CNTLN: variants seen among roughly 807,000 people sequenced by gnomAD.
The protein encoded by CNTLN is centlein.
CNTLN carries 212 observed loss-of-function variants against 180.0 expected under a neutral mutation model. That is an observed-to-expected ratio of 1.18 (90% CI 1.05 to 1.32). The LOEUF (loss-of-function observed/expected upper bound fraction) is 1.32, where lower values mean the gene tolerates loss of function less well. CNTLN is among the 40% of genes most tolerant of loss of function. The pLI, the probability that CNTLN is intolerant of heterozygous loss-of-function variation, is 0.00. For missense variants in CNTLN, 2,095 were observed against 1,610.9 expected (o/e 1.30, Z -5.14); for synonymous variants, 722 against 563.1 (o/e 1.28, Z -3.99).
intron 12 of CNTLN, among the ~76,000 whole-genome samples, chr9:17,342,848 C>A (rs1260221595): frequency 6.6e-6 from 1 of 152,172 alleles, no homozygotes; most frequent in Admixed American, 6.5e-5. Context: ...TCTCTTGGTT[C>A]CCTGCCCTGT....
chr9:17,381,963 G>C (rs968381776), intron 13 of CNTLN, among the ~76,000 whole-genome samples: 1 of 152,142 alleles, frequency 6.6e-6, no homozygotes, highest in African/African-American at 2.4e-5. Flanking sequence ...TGTTTCCCTA[G>C]TCCAAGCAAA....
At chr9:17,449,666 A>G (rs1190259675) in intron 18 of CNTLN, among the ~76,000 whole-genome samples, 1 of 152,202 alleles carries the variant, frequency 6.6e-6, no homozygotes, top group Non-Finnish European at 1.5e-5. Flanking sequence ...AATTTCACAT[A>G]TAACGTGTTT....
chr9:17,403,650 T>A (rs1827152720), intron 15 of CNTLN, among the ~76,000 whole-genome samples: 1 of 151,656 alleles, frequency 6.6e-6, no homozygotes, highest in African/African-American at 2.4e-5. Flanking sequence ...TATATATCCC[T>A]ATGATATTGC....
rs75376598 is a variant in CNTLN, at chr9:17,253,863, T to C, written c.849+17275T>C. Among the ~76,000 whole-genome samples the C allele has an allele frequency of 2.7e-4, 41 of 151,460 alleles. 3 individuals are homozygous for C. The East Asian group carries it at 7.9e-3, about 29-fold the overall frequency. On this transcript the variant is annotated intron_variant, in intron 5 of 25. Coordinates refer to ENST00000380647, the MANE Select transcript of CNTLN (RefSeq NM_017738.4). ...CATTCTTGTCTAGTTTAAATTATTA[T>C]AGGAAAGGTCCTTAATTTTTCCCCA...
rs753865790 is a variant in CNTLN at position 17,388,216 on chromosome 9, A to C, written c.2042A>C (p.Lys681Thr). ...GAGGTCAAGAGGAGTACTCCAGAGA[A>C]GAATGGAAAAGAAATGTTGGAGCAG... Reference protein sequence around the residue: ...DDEVKRSTPEKNGKEMLEQTL... With the variant: ...DDEVKRSTPETNGKEMLEQTL... The change falls in exon 14 of 26, where the codon AAG becomes ACG. Residue 681 changes from lysine to threonine, a missense_variant. Lys to Thr is a moderately conservative substitution (Grantham distance 78). Coordinates refer to ENST00000380647, the MANE Select transcript of CNTLN (RefSeq NM_017738.4). 1 of 1,612,366 alleles carries C rather than the reference A, an allele frequency of 6.2e-7. No individual in the cohort carries two copies. Among genetic ancestry groups the C allele is most frequent in the Non-Finnish European group, 8.5e-7 (1 of 1,178,838 alleles).
At chr9:17,246,791 C>G (rs1452649271) in intron 5 of CNTLN, among the ~76,000 whole-genome samples, 8 of 152,164 alleles carry the variant, frequency 5.3e-5, no homozygotes, top group African/African-American at 1.9e-4. Flanking sequence ...CCCTTTTCTT[C>G]AAGCCGAGAA....
intron 5 of CNTLN, among the ~76,000 whole-genome samples, chr9:17,240,983 C>G (rs190589989): frequency 2.0e-5 from 3 of 152,068 alleles, no homozygotes; most frequent in East Asian, 3.9e-4. Flanking sequence ...CTCAGCCTCC[C>G]GAGGAGCTGG....
intron 2 of CNTLN, among the ~76,000 whole-genome samples, chr9:17,225,780 C>A (rs1020481215): frequency 4.6e-5 from 7 of 151,836 alleles, no homozygotes; most frequent in African/African-American, 9.7e-5. Context: ...TGTCAGAAAT[C>A]AAAAAATTCT....
At chr9:17,439,378 A>C (rs866073055) in intron 18 of CNTLN, among the ~76,000 whole-genome samples, 8 of 152,332 alleles carry the variant, frequency 5.3e-5, no homozygotes, top group African/African-American at 1.9e-4. Context: ...ATCTAACACA[A>C]GTGAAGTAGA....
At chr9:17,489,752 T>C (rs1006800597) in intron 25 of CNTLN, among the ~76,000 whole-genome samples, 1 of 152,112 alleles carries the variant, frequency 6.6e-6, no homozygotes, top group Non-Finnish European at 1.5e-5. Context: ...GTATATTTGA[T>C]ACAGAACTCA....
chr9:17,287,200 A>G (rs1390119952), intron 6 of CNTLN, among the ~76,000 whole-genome samples: 1 of 151,272 alleles, frequency 6.6e-6, no homozygotes, highest in African/African-American at 2.5e-5. Flanking sequence ...TAATTTATTG[A>G]GAGTTTTTAG....
At position 17,294,452 on chromosome 9, in the gene CNTLN, G is replaced by T. The variant is rs187787624; in HGVS notation, c.984-3738G>T. 2.0e-5 allele frequency among the ~76,000 whole-genome samples: 3 copies of T among 151,864 alleles called. No homozygotes were observed. The East Asian group carries it at 5.9e-4, about 30-fold the overall frequency. On this transcript the variant is annotated intron_variant, in intron 6 of 25. Transcript: ENST00000380647. ...TCCCACTAGATTCTTTAGATACAGA[G>T]TGCTGATTGGTGCATCCACAAACCC...
chr9:17,451,588 C>G (rs114924885), intron 18 of CNTLN, among the ~76,000 whole-genome samples: 11 of 152,150 alleles, frequency 7.2e-5, no homozygotes, highest in African/African-American at 2.7e-4. Flanking sequence ...GGAACTAAGC[C>G]TCACTTTTTA....
intron 8 of CNTLN, among the ~76,000 whole-genome samples, chr9:17,315,909 G>A (rs1157798216): frequency 6.6e-6 from 1 of 151,912 alleles, no homozygotes; most frequent in African/African-American, 2.4e-5. Context: ...TAAGAGAGAT[G>A]TTGAATTTTT....
chr9:17,508,922 G>A (rs1833981224), downstream of CNTLN, among the ~76,000 whole-genome samples: 1 of 152,188 alleles, frequency 6.6e-6, no homozygotes, highest in African/African-American at 2.4e-5. Context: ...GTTTTTAGAT[G>A]GACCCCTCTG....
chr9:17,415,814 A>G lies in CNTLN; in HGVS notation c.2823A>G (p.Lys941=), dbSNP rs754158490. Residue 941 remains lysine, a synonymous_variant, in exon 17 of 26, where the codon AAA becomes AAG. Coordinates refer to ENST00000380647, the MANE Select transcript of CNTLN (RefSeq NM_017738.4). The part of the protein sequence containing the change: ...PKDYFHDKNA[K]KPTFQKKNCK... ...ACTATTTTCATGATAAGAATGCCAA[A>G]AAACCAACTTTTCAAAAGAAGAATT... The G allele has an allele frequency of 1.9e-6, 3 of 1,612,180 alleles. No individual in the cohort carries two copies. Among genetic ancestry groups the G allele is most frequent in the Non-Finnish European group, 2.5e-6 (3 of 1,179,004 alleles).
chr9:17,338,159 C>A (rs935713945), intron 10 of CNTLN, among the ~76,000 whole-genome samples: 1 of 147,020 alleles, frequency 6.8e-6, no homozygotes, highest in Non-Finnish European at 1.5e-5. Flanking sequence ...TTCTTTCTTT[C>A]TTTTTCTTTC....
chr9:17,192,699 G>T (rs1039834311), intron 2 of CNTLN, among the ~76,000 whole-genome samples: 10 of 152,118 alleles, frequency 6.6e-5, no homozygotes, highest in African/African-American at 2.4e-4. Context: ...ACTACCTAAG[G>T]GGAGAATTAG....
chr9:17,273,822 A>G lies in CNTLN; in HGVS notation c.939A>G (p.Lys313=), dbSNP rs1468172372. The G allele has an allele frequency of 1.3e-6, 2 of 1,574,938 alleles. No homozygotes were observed. The highest frequency in any genetic ancestry group is 2.4e-5 in the South Asian group (2 of 84,044). The part of the protein sequence containing the change: ...YNALSLQLSN[K]QTELIQKDMD... ...CTCTATCATTACAGTTGAGTAATAA[A>G]CAGACTGAACTTATCCAGAAGGATA... Residue 313 remains lysine (K), a synonymous_variant, in exon 6 of 26, where the codon AAA becomes AAG. Coordinates refer to ENST00000380647, the MANE Select transcript of CNTLN (RefSeq NM_017738.4).
Sources: gnomAD v4.1 joint callset for allele counts (sites outside exome capture counted in the v4.1 genomes callset) on GRCh38, gnomAD v4.1.1 for gene constraint, MANE v1.5 for transcripts, NCBI Gene and HGNC (gene_info 2026-07-23, HGNC 2026-07-21) for gene names.